SYT10: variants seen among roughly 807,000 people sequenced by gnomAD.
The protein encoded by SYT10 is synaptotagmin 10, also known as synaptotagmin-10.
Under a neutral mutation model 51.1 loss-of-function variants are expected in SYT10, and 31 were observed. That is an observed-to-expected ratio of 0.61 (90% CI 0.46 to 0.82). The LOEUF (loss-of-function observed/expected upper bound fraction) is 0.82, where lower values mean the gene tolerates loss of function less well. Among genes scored for constraint, SYT10 ranks in the 40% least tolerant of loss-of-function variants. The probability of loss-of-function intolerance (pLI) is 0.00; values close to 1 mark genes in which losing one functional copy is unlikely to be tolerated. For synonymous variants in SYT10, 233 were observed against 225.9 expected, an observed-to-expected ratio of 1.03 and a Z score of -0.28; for missense variants, 603 against 634.0, an observed-to-expected ratio of 0.95 and a Z score of 0.53.
intron 2 of SYT10, among the ~76,000 whole-genome samples, chr12:33,413,970 A>G (rs1237320812): frequency 1.3e-5 from 2 of 152,188 alleles, no homozygotes; most frequent in African/African-American, 4.8e-5. Flanking sequence ...ATAGGCTCAA[A>G]GTAAAGGGAT....
intron 3 of SYT10, among the ~76,000 whole-genome samples, chr12:33,395,757 G>A (rs1173502411): frequency 6.6e-6 from 1 of 152,288 alleles, no homozygotes; most frequent in East Asian, 1.9e-4. Context: ...TTATGCATAT[G>A]TTTTTGCCAC....
intron 2 of SYT10, among the ~76,000 whole-genome samples, chr12:33,412,733 A>T (rs2138420667): frequency 6.6e-6 from 1 of 152,268 alleles, no homozygotes; most frequent in Non-Finnish European, 1.5e-5. Flanking sequence ...AAAGATGGGG[A>T]AAAAACAGAG....
chr12:33,398,753 G>T (rs1327339166), intron 3 of SYT10, among the ~76,000 whole-genome samples: 1 of 151,980 alleles, frequency 6.6e-6, no homozygotes, highest in Admixed American at 6.6e-5. Context: ...ATATCCTATG[G>T]CATATATGGA....
intron 3 of SYT10, 79 bp from the exon 4 acceptor site, chr12:33,385,370 G>A: frequency 6.5e-7 from 1 of 1,531,602 alleles, no homozygotes; most frequent in Non-Finnish European, 8.8e-7. Context: ...GTAGAATACT[G>A]GAATGTCATT....
chr12:33,387,860 C>T (rs1029155884), intron 3 of SYT10, among the ~76,000 whole-genome samples: 2 of 151,866 alleles, frequency 1.3e-5, no homozygotes, highest in Non-Finnish European at 2.9e-5. Context: ...GGTGATCCTC[C>T]CACCACAGCC....
intron 3 of SYT10, among the ~76,000 whole-genome samples, chr12:33,394,984 A>T (rs2138400417): frequency 6.6e-6 from 1 of 152,314 alleles, no homozygotes; most frequent in Admixed American, 6.5e-5. Flanking sequence ...GGTACTCGGG[A>T]GGCTGAGGCA....
chr12:33,408,690 C>T (rs1342323433), intron 2 of SYT10, among the ~76,000 whole-genome samples: 4 of 152,126 alleles, frequency 2.6e-5, no homozygotes, highest in Non-Finnish European at 4.4e-5. Flanking sequence ...CTTCTAGTCC[C>T]GTATCTCTAA....
rs186417898 is a variant in SYT10 at position 33,396,328 on chromosome 12, T to C, written c.1077+10461A>G. On this transcript the variant is annotated intron_variant, in intron 3 of 6. Transcript: ENST00000228567. The stretch of plus-strand genomic sequence containing the variant: ...GGAGCAGTAAAGAATGCAGGAAGCA[T>C]GCAAACTTATAACAGAGATGAGATA... Among the ~76,000 whole-genome samples, 539 of 152,262 alleles carry C rather than the reference T, an allele frequency of 3.5e-3. 1 individual carries two copies. The highest frequency in any genetic ancestry group is 0.012 in the African/African-American group (512 of 41,564).
chr12:33,407,210 A>T lies in SYT10; in HGVS notation c.656T>A (p.Val219Asp). The change falls in exon 3 of 7, where the codon GTT (valine) becomes GAT (aspartate). Residue 219 changes from valine (V) to aspartate (D), a missense_variant. Physicochemically the swap from Val to Asp is radical, Grantham distance 152 (BLOSUM62 -3). Coordinates refer to ENST00000228567, the MANE Select transcript of SYT10 (RefSeq NM_198992.4). ...TTCGTTTTGGTTGCCCTCAGAGTCA[A>T]CTGATTTCTGTTTGTAGAGTTCTGG... ...IKPELYKQKS[V>D]DSEGNQNEDV... 1.2e-6 allele frequency: 2 copies of T among 1,614,162 alleles called. No homozygotes were observed. Among genetic ancestry groups the T allele is most frequent in the Non-Finnish European group, 1.7e-6 (2 of 1,180,034 alleles).
Position 33,439,390 on chromosome 12 carries a change from G to C in SYT10, c.133C>G (p.Gln45Glu). Residue 45 changes from glutamine to glutamate, a missense_variant, in exon 1 of 7, where the codon CAG becomes GAG. By Grantham distance (29) the Gln-to-Glu change is conservative. Coordinates refer to ENST00000228567, the MANE Select transcript of SYT10 (RefSeq NM_198992.4). ...SGIFPRDRGS[Q>E]GGSSTDISVS... is the part of the protein sequence containing the mutation. ...CGGTTACCTGTGCTGCTTCCGCCCTGGCTGCCCCTGTCCCGAGGGAAGATG... is the reference window on the plus strand; with the variant it reads ...CGGTTACCTGTGCTGCTTCCGCCCTCGCTGCCCCTGTCCCGAGGGAAGATG... 2 of 1,613,888 alleles carry C rather than the reference G, an allele frequency of 1.2e-6. No individual in the cohort carries two copies. Among genetic ancestry groups the C allele is most frequent in the African/African-American group, 1.3e-5 (1 of 75,038 alleles).
At chr12:33,392,344 G>A (rs1866214892) in intron 3 of SYT10, among the ~76,000 whole-genome samples, 1 of 152,182 alleles carries the variant, frequency 6.6e-6, no homozygotes, top group South Asian at 2.1e-4. Flanking sequence ...ATTTGATGGA[G>A]TACAATCAGG....
chr12:33,412,243 G>A (rs1866413188), intron 2 of SYT10, among the ~76,000 whole-genome samples: 2 of 151,670 alleles, frequency 1.3e-5, no homozygotes, highest in Non-Finnish European at 2.9e-5. Context: ...CCCTTTATAA[G>A]AATAAAAAAG....
intron 2 of SYT10, among the ~76,000 whole-genome samples, chr12:33,410,807 G>A (rs1866398590): frequency 6.6e-6 from 1 of 151,896 alleles, no homozygotes; most frequent in Admixed American, 6.6e-5. Flanking sequence ...ATACAATTTG[G>A]AAGAAAATAA....
In SYT10 at chr12:33,407,971, A is replaced by T. The variant is rs576205122; in HGVS notation, c.510-615T>A. ...TACTCTCAATCATAAGCACATAATT[A>T]AAAACAATTCTAAAGAAACATGATT... is the stretch of plus-strand genomic sequence containing the variant. On this transcript the variant is annotated intron_variant, in intron 2 of 6. Transcript: ENST00000228567. 4.6e-5 allele frequency: 7 copies of T among 152,380 alleles called. No individual in the cohort carries two copies. In the South Asian group the frequency reaches 8.3e-4, roughly 18 times the overall value. The allele number at this position is 152,380 out of a possible 1,614,324, so 9.4% of individuals were successfully genotyped here. A position where few individuals can be genotyped will look rare whatever the true frequency, so the allele number is the denominator to read the frequency against.
rs543371391 is a variant in SYT10, at chr12:33,379,993, C to A, written c.1371-32G>T. The A allele has an allele frequency of 1.4e-5, 22 of 1,563,966 alleles. No individual in the cohort carries two copies. In the African/African-American group the frequency reaches 1.9e-4, roughly 14 times the overall value. The stretch of plus-strand genomic sequence containing the variant: ...TTTGTGGGATATTATATTTTCATTT[C>A]CAACATTCAAAGATAAAGGGGGTTT... On this transcript the variant is annotated intron_variant, in intron 5 of 6. Transcript: ENST00000228567.
chr12:33,392,077 A>G (rs1866212650), intron 3 of SYT10, among the ~76,000 whole-genome samples: 1 of 152,214 alleles, frequency 6.6e-6, no homozygotes, highest in Non-Finnish European at 1.5e-5. Context: ...AGATACATGC[A>G]AGGTTTGGAG....
chr12:33,423,840 C>T (rs1217622078), intron 2 of SYT10: 1 of 419,970 alleles, frequency 2.4e-6, no homozygotes, highest in East Asian at 7.1e-5. Flanking sequence ...TGCATGACTT[C>T]AGGCAAATTT....
chr12:33,403,092 A>G (rs901083511), intron 3 of SYT10, among the ~76,000 whole-genome samples: 2 of 152,134 alleles, frequency 1.3e-5, no homozygotes, highest in Non-Finnish European at 2.9e-5. Context: ...GAGATTTGCA[A>G]TTATACAAAG....
At chr12:33,419,323 A>G (rs1264061827) in intron 2 of SYT10, among the ~76,000 whole-genome samples, 2 of 152,158 alleles carry the variant, frequency 1.3e-5, no homozygotes, top group African/African-American at 2.4e-5. Flanking sequence ...TCAAATTTCA[A>G]GAAAAATGTC....
Sources: gnomAD v4.1 joint callset for allele counts (sites outside exome capture counted in the v4.1 genomes callset) on GRCh38, gnomAD v4.1.1 for gene constraint, MANE v1.5 for transcripts, NCBI Gene and HGNC (gene_info 2026-07-23, HGNC 2026-07-21) for gene names.